CFAP206: variants seen among roughly 807,000 people sequenced by gnomAD.
CFAP206 encodes the protein cilia and flagella associated protein 206, also known as cilia- and flagella-associated protein 206.
In CFAP206, 53 loss-of-function variants were observed where a neutral mutation model predicts 65.4. That is an observed-to-expected ratio of 0.81 (90% confidence interval 0.65 to 1.02). The LOEUF (loss-of-function observed/expected upper bound fraction) is 1.02. Ranked by LOEUF, CFAP206 falls within the 50% of genes least tolerant of loss-of-function variation. The pLI is 0.00. For synonymous variants in CFAP206, 250 were observed against 254.4 expected (o/e 0.98, Z 0.17); for missense variants, 663 against 753.2 (o/e 0.88, Z 1.40).
At chr6:87,442,982 G>A (rs1281162467) in intron 11 of CFAP206, among the ~76,000 whole-genome samples, 2 of 151,974 alleles carry the variant, frequency 1.3e-5, no homozygotes, top group East Asian at 1.9e-4. Context: ...AGTTATACAT[G>A]TCTTATAAAT....
At position 87,415,697 on chromosome 6, in the gene CFAP206, G is replaced by A. The variant is rs377549577; in HGVS notation, c.295G>A (p.Glu99Lys). 7.4e-5 allele frequency: 118 copies of A among 1,600,922 alleles called. No individual in the cohort carries two copies. The highest frequency in any genetic ancestry group is 1.0e-4 in the Admixed American group (6 of 58,228). The change falls in exon 5 of 13, where the codon GAA (glutamate) becomes AAA (lysine). Residue 99 changes from glutamate to lysine, a missense_variant. Physicochemically the swap from Glu to Lys is moderately conservative, Grantham distance 56. Transcript: ENST00000369562. ...TTTGGCAATTTTAGTGGAATTTCTC[G>A]AAGAACATCACCGGGTCCTAGAGTC... ...MNYTNRVEFL[E>K]EHHRVLESRL...
rs1329621552 is a variant in CFAP206, at chr6:87,431,114, T to C, written c.1241T>C (p.Ile414Thr). 9.9e-6 allele frequency: 16 copies of C among 1,613,986 alleles called. No individual in the cohort carries two copies. Among genetic ancestry groups the C allele is most frequent in the South Asian group, 2.2e-5 (2 of 91,078 alleles). Residue 414 changes from isoleucine to threonine, a missense_variant, in exon 10 of 13, where the codon ATT (isoleucine) becomes ACT (threonine). Ile to Thr is a moderately conservative substitution (Grantham distance 89, BLOSUM62 -1). Transcript: ENST00000369562. Reference protein sequence around the residue: ...ETTANFDKLLIQYRGFCAYTF... With the variant: ...ETTANFDKLLTQYRGFCAYTF... Reference sequence around the variant, plus strand: ...ACAGCAAATTTTGATAAACTGTTAATTCAATATCGGGGATTTTGTGCTTAC... The same window carrying C: ...ACAGCAAATTTTGATAAACTGTTAACTCAATATCGGGGATTTTGTGCTTAC...
intron 4 of CFAP206, 72 bp downstream of exon 4, chr6:87,413,972 G>C: frequency 1.5e-6 from 1 of 675,382 alleles, no homozygotes; most frequent in Non-Finnish European, 2.3e-6. Flanking sequence ...GCTTCATTTG[G>C]TTGACAATGA....
rs1307821967 is a variant in CFAP206, at chr6:87,418,286, T to A, written c.710T>A (p.Val237Glu). The A allele has an allele frequency of 6.2e-7, 1 of 1,614,130 alleles. No individual in the cohort carries two copies. The highest frequency in any genetic ancestry group is 1.7e-5 in the Admixed American group (1 of 60,022). The change falls in exon 7 of 13, where the codon GTA becomes GAA. Residue 237 changes from valine (V) to glutamate (E), a missense_variant. Transcript: ENST00000369562. The part of the protein sequence containing the change: ...DYQLETARSQ[V>E]YRYTAILEKA... ...CAGCTTGAGACTGCCCGGAGCCAGG[T>A]ATACCGCTACACAGCCATCCTTGAG... is the stretch of plus-strand genomic sequence containing the variant.
chr6:87,416,238 C>T (rs1767828225), intron 5 of CFAP206, among the ~76,000 whole-genome samples: 1 of 152,148 alleles, frequency 6.6e-6, no homozygotes, highest in Non-Finnish European at 1.5e-5. Flanking sequence ...TTGAGTCTGT[C>T]ATTTAAAATG....
intron 11 of CFAP206, chr6:87,444,704 T>A (rs1045535919): frequency 1.1e-5 from 4 of 352,470 alleles, no homozygotes; most frequent in East Asian, 7.3e-5. Flanking sequence ...TGAGCCTTTT[T>A]AACTATTTTT....
chr6:87,418,703 T>A (rs1479066163), intron 7 of CFAP206, among the ~76,000 whole-genome samples: 1 of 152,252 alleles, frequency 6.6e-6, no homozygotes, highest in Non-Finnish European at 1.5e-5. Context: ...TAATACTATG[T>A]TTATTTTAGT....
At chr6:87,416,595 A>G in intron 5 of CFAP206, 74 bp from the exon 6 acceptor site, 1 of 1,387,424 alleles carries the variant, frequency 7.2e-7, no homozygotes, top group South Asian at 1.5e-5. Flanking sequence ...CTGCTAAAGA[A>G]AAACGTTATT....
intron 11 of CFAP206, among the ~76,000 whole-genome samples, chr6:87,440,600 A>G (rs1391176951): frequency 6.6e-6 from 1 of 152,210 alleles, no homozygotes; most frequent in Non-Finnish European, 1.5e-5. Flanking sequence ...AACAATTGCA[A>G]TCATTTTCTT....
At chr6:87,434,738 T>C in intron 10 of CFAP206, 122 bp from the exon 11 acceptor site, 1 of 535,626 alleles carries the variant, frequency 1.9e-6, no homozygotes, top group Non-Finnish European at 3.3e-6. Context: ...CCTCAGGTGG[T>C]CTGCCTGCTT....
At chr6:87,412,941 T>C (rs1301467143) in intron 3 of CFAP206, among the ~76,000 whole-genome samples, 1 of 152,162 alleles carries the variant, frequency 6.6e-6, no homozygotes, top group Non-Finnish European at 1.5e-5. Flanking sequence ...ATTACGGGTG[T>C]GAGCCACTGC....
At chr6:87,461,975 G>A (rs983057481) in intron 12 of CFAP206, among the ~76,000 whole-genome samples, 2 of 152,178 alleles carry the variant, frequency 1.3e-5, no homozygotes, top group Non-Finnish European at 2.9e-5. Context: ...ACATGAGAAA[G>A]CTGGAAGCAG....
chr6:87,435,210 A>G, intron 11 of CFAP206, 157 bp downstream of exon 11: 1 of 490,152 alleles, frequency 2.0e-6, no homozygotes, highest in Non-Finnish European at 3.7e-6. Context: ...TGAAGATGAA[A>G]ACTAATTGAA....
In CFAP206 at chr6:87,418,228, G is replaced by A. The variant is rs1171650545; in HGVS notation, c.652G>A (p.Ala218Thr). 6.8e-6 allele frequency: 11 copies of A among 1,613,972 alleles called. No individual in the cohort carries two copies. The highest frequency in any genetic ancestry group is 9.3e-6 in the Non-Finnish European group (11 of 1,180,014). Reference protein sequence around the residue: ...IDDLPAVLHVAIPATMQHIDY... With the variant: ...IDDLPAVLHVTIPATMQHIDY... ...AACAGTGCCAGCTGTTCTCCATGTAGCAATCCCAGCCACCATGCAGCATAT... is the reference window on the plus strand; with the variant it reads ...AACAGTGCCAGCTGTTCTCCATGTAACAATCCCAGCCACCATGCAGCATAT... The change falls in exon 7 of 13, where the codon GCA becomes ACA. Residue 218 changes from alanine (A) to threonine (T), a missense_variant. Coordinates refer to ENST00000369562, the MANE Select transcript of CFAP206 (RefSeq NM_001031743.3).
rs140980841 is a variant in CFAP206 at position 87,433,256 on chromosome 6, A to G, written c.1301-1604A>G. Among the ~76,000 whole-genome samples the G allele has an allele frequency of 4.7e-3, 723 of 152,320 alleles. 7 individuals carry two copies. Among genetic ancestry groups the G allele is most frequent in the African/African-American group, 0.016 (680 of 41,576 alleles). The stretch of plus-strand genomic sequence containing the variant: ...ACCTGCTTTATTATTTTTTTCATGT[A>G]GCACATGTCACTCTGTGACCTATGA... On this transcript the variant is annotated intron_variant, in intron 10 of 12. Coordinates refer to ENST00000369562, the MANE Select transcript of CFAP206 (RefSeq NM_001031743.3).
At chr6:87,461,704 A>G (rs989053164) in intron 12 of CFAP206, among the ~76,000 whole-genome samples, 83 of 108,104 alleles carry the variant, frequency 7.7e-4, no homozygotes, top group African/African-American at 3.1e-3. Context: ...AAATATTTAT[A>G]GTATGGAAAA....
At chr6:87,450,474 AATGTGTGTGT>A (rs1026721044) in intron 11 of CFAP206, among the ~76,000 whole-genome samples, 1 of 105,026 alleles carries the variant, frequency 9.5e-6, no homozygotes, top group African/African-American at 3.7e-5. Context: ...AATAAATGAA[AATGTGTGTGT>A]GTGTGTGTGT....
intron 11 of CFAP206, among the ~76,000 whole-genome samples, chr6:87,456,354 G>A (rs989673873): frequency 4.6e-5 from 7 of 151,996 alleles, no homozygotes; most frequent in Admixed American, 1.3e-4. Context: ...AAAAAACTGG[G>A]TATAGAAGGA....
At chr6:87,443,600 T>A (rs889209558) in intron 11 of CFAP206, among the ~76,000 whole-genome samples, 4 of 152,192 alleles carry the variant, frequency 2.6e-5, no homozygotes, top group African/African-American at 9.7e-5. Flanking sequence ...ATGAGAGTTG[T>A]ATGTCACATA....
Sources: allele counts gnomAD v4.1 joint callset (sites outside exome capture counted in the v4.1 genomes callset), GRCh38; gene constraint gnomAD v4.1.1; transcripts MANE v1.5; gene names NCBI Gene and HGNC (gene_info 2026-07-23, HGNC 2026-07-21).